Variants in SORCS3 observed in about 807,000 individuals in gnomAD.
The protein encoded by SORCS3 is VPS10 domain-containing receptor SorCS3.
Under a neutral mutation model 146.3 loss-of-function variants are expected in SORCS3, and 57 were observed. The observed-to-expected ratio is 0.39, with a 90% CI of 0.31 to 0.49. The LOEUF (loss-of-function observed/expected upper bound fraction) is 0.49, where lower values mean the gene tolerates loss of function less well. SORCS3 is among the 20% of genes least tolerant of loss of function. The pLI, the probability that SORCS3 is intolerant of heterozygous loss-of-function variation, is 0.92. For missense variants in SORCS3, 1,341 were observed against 1,575.5 expected (o/e 0.85, Z 2.52); for synonymous variants, 653 against 618.5 (o/e 1.06, Z -0.83).
At chr10:104,940,934 G>A (rs1157679752) in intron 3 of SORCS3, among the ~76,000 whole-genome samples, 5 of 152,132 alleles carry the variant, frequency 3.3e-5, no homozygotes, top group Admixed American at 3.3e-4. Context: ...TGCCCAGTCA[G>A]TCCTAAGCCA....
intron 4 of SORCS3, among the ~76,000 whole-genome samples, chr10:105,032,873 T>C (rs1188990700): frequency 6.6e-6 from 1 of 151,996 alleles, no homozygotes; most frequent in Non-Finnish European, 1.5e-5. Context: ...CTAAAACCCT[T>C]AGAGAAAGAG....
intron 2 of SORCS3, among the ~76,000 whole-genome samples, chr10:104,866,616 A>G (rs776305963): frequency 6.6e-6 from 1 of 152,232 alleles, no homozygotes; most frequent in Non-Finnish European, 1.5e-5. Flanking sequence ...CTCCATCTGG[A>G]AAGTGGGGAC....
chr10:105,036,132 T>A (rs188214105), intron 4 of SORCS3, among the ~76,000 whole-genome samples: 1 of 152,292 alleles, frequency 6.6e-6, no homozygotes, highest in East Asian at 1.9e-4. Context: ...GATGAGATCA[T>A]GTTTCTGTTA....
chr10:104,733,464 C>G (rs902860407), intron 1 of SORCS3, among the ~76,000 whole-genome samples: 5 of 151,964 alleles, frequency 3.3e-5, no homozygotes, highest in African/African-American at 9.7e-5. Flanking sequence ...GTCTTCCTGC[C>G]ACAGCATCCC....
At chr10:105,227,760 T>C (rs1304255337) in intron 20 of SORCS3, among the ~76,000 whole-genome samples, 1 of 152,120 alleles carries the variant, frequency 6.6e-6, no homozygotes, top group Non-Finnish European at 1.5e-5. Context: ...TTATGATATC[T>C]TCTTGCTGAA....
intron 5 of SORCS3, among the ~76,000 whole-genome samples, chr10:105,085,628 A>G (rs2055655144): frequency 1.3e-5 from 2 of 152,214 alleles, no homozygotes; most frequent in South Asian, 4.1e-4. Flanking sequence ...GCTTAAGCAA[A>G]TAAATATACA....
chr10:104,700,565 T>C (rs951931270), intron 1 of SORCS3, among the ~76,000 whole-genome samples: 66 of 152,226 alleles, frequency 4.3e-4, no homozygotes, highest in African/African-American at 1.5e-3. Flanking sequence ...CTGGTCAGCT[T>C]GAGGAGGCAG....
intron 20 of SORCS3, among the ~76,000 whole-genome samples, chr10:105,224,184 A>G (rs2119673461): frequency 6.6e-6 from 1 of 152,284 alleles, no homozygotes; most frequent in South Asian, 2.1e-4. Flanking sequence ...ATCTACCACT[A>G]TAGTATCAAA....
chr10:105,002,635 A>C (rs552732749), intron 4 of SORCS3, among the ~76,000 whole-genome samples: 2 of 152,370 alleles, frequency 1.3e-5, no homozygotes, highest in South Asian at 4.1e-4. Context: ...AGTATTCGGT[A>C]GCCCCATGTG....
At chr10:105,058,358 C>T (rs901623678) in intron 5 of SORCS3, among the ~76,000 whole-genome samples, 1 of 152,198 alleles carries the variant, frequency 6.6e-6, no homozygotes, top group Non-Finnish European at 1.5e-5. Flanking sequence ...TCCCATCCTG[C>T]TTCCTAACAT....
At chr10:104,853,925 A>G (rs11192206) in intron 2 of SORCS3, among the ~76,000 whole-genome samples, 14,723 of 152,190 alleles carry the variant, frequency 0.097, 892 homozygotes, top group South Asian at 0.24. Flanking sequence ...ACCACTTATA[A>G]AAACCTTGCA....
intron 13 of SORCS3, among the ~76,000 whole-genome samples, chr10:105,170,711 T>C (rs1349110571): frequency 1.3e-5 from 2 of 152,218 alleles, no homozygotes; most frequent in South Asian, 2.1e-4. Context: ...GTTGAGTATA[T>C]GTGTTAGAAA....
At chr10:104,956,273 A>C (rs1217871145) in intron 3 of SORCS3, among the ~76,000 whole-genome samples, 1 of 152,232 alleles carries the variant, frequency 6.6e-6, no homozygotes, top group Non-Finnish European at 1.5e-5. Context: ...AGTTTGTCTC[A>C]GTAATGGATT....
At chr10:104,940,226 ATATATATATATATTTTT>A (rs1410877774) in intron 3 of SORCS3, among the ~76,000 whole-genome samples, 2,686 of 34,474 alleles carry the variant, frequency 0.078, 119 homozygotes, top group South Asian at 0.25. Flanking sequence ...ATATATATAT[ATATATATATATATTTTT>A]TTTTTTTTTT....
intron 5 of SORCS3, among the ~76,000 whole-genome samples, chr10:105,087,312 GTTGT>G (rs2055669045): frequency 6.6e-6 from 1 of 152,148 alleles, no homozygotes; most frequent in Non-Finnish European, 1.5e-5. Flanking sequence ...CCAGTAGCAT[GTTGT>G]TTGGTTACTG....
At chr10:105,084,479 G>T (rs2055645494) in intron 5 of SORCS3, among the ~76,000 whole-genome samples, 1 of 152,118 alleles carries the variant, frequency 6.6e-6, no homozygotes, top group Non-Finnish European at 1.5e-5. Context: ...TACTTCCCTT[G>T]CACTGAGTTT....
At position 104,876,816 on chromosome 10, in the gene SORCS3, C is replaced by CTTCT. The variant is rs753363133; in HGVS notation, c.695+33971_695+33974dup. On this transcript the variant is annotated intron_variant, in intron 2 of 26. Coordinates refer to ENST00000369701, the MANE Select transcript of SORCS3 (RefSeq NM_014978.3). Reference sequence around the variant, plus strand: ...TTCTTTCTCTCTTTCTCTTTCTCTCCTTCTTTCTTTCTTTCTTCTTTCTCT... The same window carrying CTTCT: ...TTCTTTCTCTCTTTCTCTTTCTCTCCTTCTTTCTTTCTTTCTTTCTTCTTTCTCT... Among the ~76,000 whole-genome samples the CTTCT allele has an allele frequency of 1.9e-4, 27 of 139,740 alleles. No individual in the cohort carries two copies. In the East Asian group the frequency reaches 3.3e-3, roughly 17 times the overall value. The allele number at this position is 139,740 out of a possible 152,430, so 91.7% of individuals were successfully genotyped here.
chr10:105,007,713 G>A (rs994719895), intron 4 of SORCS3, among the ~76,000 whole-genome samples: 5 of 151,928 alleles, frequency 3.3e-5, no homozygotes, highest in African/African-American at 1.2e-4. Flanking sequence ...TTATTGTCAT[G>A]TCTTGAAATA....
intron 1 of SORCS3, among the ~76,000 whole-genome samples, chr10:104,663,647 G>C (rs1364839951): frequency 6.6e-6 from 1 of 152,140 alleles, no homozygotes; most frequent in Non-Finnish European, 1.5e-5. Flanking sequence ...ACACAAGCCT[G>C]TTGTCATTTA....
Sources: allele counts gnomAD v4.1 joint callset (sites outside exome capture counted in the v4.1 genomes callset), GRCh38; gene constraint gnomAD v4.1.1; transcripts MANE v1.5; gene names NCBI Gene and HGNC (gene_info 2026-07-23, HGNC 2026-07-21).